Variants in ENOX1 observed in about 807,000 individuals in gnomAD.
ENOX1 encodes the protein candidate growth-related and time keeping constitutive hydroquinone (NADH) oxidase.
In ENOX1, 42 loss-of-function variants were observed where a neutral mutation model predicts 82.5. The observed-to-expected ratio is 0.51, with a 90% CI of 0.40 to 0.66. ENOX1 has a LOEUF of 0.66. Among genes scored for constraint, ENOX1 ranks in the 30% least tolerant of loss-of-function variants. The pLI, the probability that ENOX1 is intolerant of heterozygous loss-of-function variation, is 0.00. For synonymous variants in ENOX1, 271 were observed against 282.2 expected (o/e 0.96, Z 0.40); for missense variants, 608 against 811.6 (o/e 0.75, Z 3.05).
At chr13:43,532,348 T>C (rs951301610) in intron 2 of ENOX1, among the ~76,000 whole-genome samples, 1 of 152,184 alleles carries the variant, frequency 6.6e-6, no homozygotes, top group Non-Finnish European at 1.5e-5. Context: ...CATTTTAAAA[T>C]GTTCTTCTAT....
At chr13:43,426,820 A>C (rs776465819) in intron 3 of ENOX1, among the ~76,000 whole-genome samples, 20 of 152,200 alleles carry the variant, frequency 1.3e-4, no homozygotes, top group Admixed American at 2.6e-4. Context: ...TCTACTACAC[A>C]CAGAATTTTG....
At chr13:43,663,338 A>T (rs1466066582) in intron 2 of ENOX1, among the ~76,000 whole-genome samples, 3 of 152,152 alleles carry the variant, frequency 2.0e-5, no homozygotes, top group Non-Finnish European at 4.4e-5. Context: ...CCCTCTTCAC[A>T]CTTTATGCTC....
intron 2 of ENOX1, among the ~76,000 whole-genome samples, chr13:43,516,091 C>T (rs967693970): frequency 3.9e-5 from 6 of 152,084 alleles, no homozygotes; most frequent in South Asian, 2.1e-4. Flanking sequence ...TAGCAGTCAG[C>T]GGGAACTCCA....
At chr13:43,351,336 G>A (rs2153552265) in intron 8 of ENOX1, among the ~76,000 whole-genome samples, 1 of 152,274 alleles carries the variant, frequency 6.6e-6, no homozygotes, top group East Asian at 1.9e-4. Flanking sequence ...AGAAAATTAA[G>A]GGGGCAATAT....
chr13:43,652,203 G>A (rs1229963448), intron 2 of ENOX1, among the ~76,000 whole-genome samples: 1 of 152,048 alleles, frequency 6.6e-6, no homozygotes, highest in Admixed American at 6.6e-5. Flanking sequence ...GGGGTGGAGG[G>A]GTGGAAGTCA....
chr13:43,715,334 G>T (rs867470196), intron 1 of ENOX1, among the ~76,000 whole-genome samples: 16 of 152,090 alleles, frequency 1.1e-4, no homozygotes, highest in Middle Eastern at 6.8e-3. Flanking sequence ...CTCTCTGGCT[G>T]CCCTTAACAT....
intron 5 of ENOX1, among the ~76,000 whole-genome samples, chr13:43,363,382 A>T (rs1300595943): frequency 6.6e-6 from 1 of 152,102 alleles, no homozygotes; most frequent in Non-Finnish European, 1.5e-5. Flanking sequence ...ACCCAACATG[A>T]TTACTCATCT....
chr13:43,785,424 G>C (rs1168377773), intron 1 of ENOX1, among the ~76,000 whole-genome samples: 2 of 152,090 alleles, frequency 1.3e-5, no homozygotes, highest in Non-Finnish European at 2.9e-5. Context: ...CAAACTACCA[G>C]ACTCAAATCT....
chr13:43,303,333 C>T (rs1277099327), intron 11 of ENOX1, among the ~76,000 whole-genome samples: 1 of 152,232 alleles, frequency 6.6e-6, no homozygotes, highest in African/African-American at 2.4e-5. Flanking sequence ...GACAGGGACT[C>T]TCTCCAGCTT....
intron 2 of ENOX1, among the ~76,000 whole-genome samples, chr13:43,486,168 C>A (rs1162159741): frequency 1.3e-5 from 2 of 152,166 alleles, no homozygotes; most frequent in African/African-American, 4.8e-5. Flanking sequence ...CAAGATCGTA[C>A]CACTGCATTC....
chr13:43,682,446 T>C (rs2085839228), intron 1 of ENOX1, among the ~76,000 whole-genome samples: 1 of 152,178 alleles, frequency 6.6e-6, no homozygotes, highest in African/African-American at 2.4e-5. Context: ...GCTTGGTAAG[T>C]ATTATTTACA....
chr13:43,236,624 G>T lies in ENOX1; in HGVS notation c.1714+12C>A. ...TTTAAGAGAACAGATGAAGAAAACA[G>T]AATTTCCTTACCTATTAGCAGAGCT... On this transcript the variant is annotated intron_variant, in intron 15 of 16. Coordinates refer to ENST00000690772, the MANE Select transcript of ENOX1 (RefSeq NM_001347969.2). 1 of 1,502,996 alleles carries T rather than the reference G, an allele frequency of 6.7e-7. No individual in the cohort carries two copies. The highest frequency in any genetic ancestry group is 9.0e-7 in the Non-Finnish European group (1 of 1,113,978). The allele number at this position is 1,502,996 out of a possible 1,614,324, so 93.1% of individuals were successfully genotyped here. A position where few individuals can be genotyped will look rare whatever the true frequency, so the allele number is the denominator to read the frequency against.
chr13:43,653,179 C>T (rs1438516122), intron 2 of ENOX1, among the ~76,000 whole-genome samples: 1 of 152,168 alleles, frequency 6.6e-6, no homozygotes, highest in African/African-American at 2.4e-5. Context: ...AGACTCACCC[C>T]CAAGTATACT....
chr13:43,315,959 C>A (rs1467801129), intron 11 of ENOX1, among the ~76,000 whole-genome samples: 1 of 152,212 alleles, frequency 6.6e-6, no homozygotes, highest in Non-Finnish European at 1.5e-5. Context: ...GGGCTGCACA[C>A]AGGCGGCGGT....
intron 1 of ENOX1, among the ~76,000 whole-genome samples, chr13:43,779,276 G>A (rs1952104904): frequency 6.6e-6 from 1 of 152,126 alleles, no homozygotes; most frequent in African/African-American, 2.4e-5. Context: ...TATTTATTTG[G>A]GGAGGGGATC....
At chr13:43,704,226 A>C (rs558320052) in intron 1 of ENOX1, among the ~76,000 whole-genome samples, 1 of 152,240 alleles carries the variant, frequency 6.6e-6, no homozygotes, top group South Asian at 2.1e-4. Flanking sequence ...TAAACAGAAA[A>C]TATATATGAC....
intron 2 of ENOX1, among the ~76,000 whole-genome samples, chr13:43,663,692 C>T (rs1004107924): frequency 2.0e-5 from 3 of 147,758 alleles, no homozygotes; most frequent in African/African-American, 5.3e-5. Flanking sequence ...AATGAACAAA[C>T]GAATGAACAA....
intron 2 of ENOX1, among the ~76,000 whole-genome samples, chr13:43,554,018 G>A (rs1444646473): frequency 6.6e-6 from 1 of 152,098 alleles, no homozygotes; most frequent in African/African-American, 2.4e-5. Flanking sequence ...CAAAGTGCTG[G>A]GATTACAGGC....
intron 11 of ENOX1, among the ~76,000 whole-genome samples, chr13:43,309,025 CTTTTTT>C (rs138771171): frequency 1.5e-3 from 202 of 138,590 alleles, no homozygotes; most frequent in African/African-American, 5.1e-3. Flanking sequence ...CTCAAAGTTA[CTTTTTT>C]TTTTTTTTTT....
Sources: gnomAD v4.1 joint callset for allele counts (sites outside exome capture counted in the v4.1 genomes callset) on GRCh38, gnomAD v4.1.1 for gene constraint, MANE v1.5 for transcripts, NCBI Gene and HGNC (gene_info 2026-07-23, HGNC 2026-07-21) for gene names.